FHIT: variants seen among roughly 807,000 people sequenced by gnomAD.
The protein encoded by FHIT is fragile histidine triad diadenosine triphosphatase.
A neutral mutation model predicts 17.9 loss-of-function variants in FHIT; 19 were observed. The observed-to-expected ratio is 1.06, with a 90% CI of 0.74 to 1.56. The LOEUF (loss-of-function observed/expected upper bound fraction) is 1.56, where lower values mean the gene tolerates loss of function less well. FHIT is among the 40% of genes most tolerant of loss of function. The probability of loss-of-function intolerance (pLI) is 0.00; values close to 1 mark genes in which losing one functional copy is unlikely to be tolerated. For missense variants in FHIT, 248 were observed against 189.2 expected, an observed-to-expected ratio of 1.31 and a Z score of -1.82; for synonymous variants, 81 against 69.7, an observed-to-expected ratio of 1.16 and a Z score of -0.81.
At chr3:59,848,541 C>A (rs1701809195) in intron 8 of FHIT, among the ~76,000 whole-genome samples, 1 of 152,066 alleles carries the variant, frequency 6.6e-6, no homozygotes, top group African/African-American at 2.4e-5. Flanking sequence ...TAATAGAGAT[C>A]TTAGAAATTA....
chr3:60,448,852 G>A (rs900154711), intron 5 of FHIT, among the ~76,000 whole-genome samples: 7 of 152,262 alleles, frequency 4.6e-5, no homozygotes, highest in African/African-American at 1.4e-4. Flanking sequence ...TAGTTGAAAT[G>A]TGTTTACTAA....
intron 4 of FHIT, among the ~76,000 whole-genome samples, chr3:60,729,108 C>G (rs113781155): frequency 6.6e-6 from 1 of 152,310 alleles, no homozygotes; most frequent in African/African-American, 2.4e-5. Flanking sequence ...ATGTTCAGTG[C>G]CCTGGTTAAA....
At chr3:60,927,714 C>T (rs1707713022) in intron 3 of FHIT, among the ~76,000 whole-genome samples, 1 of 152,004 alleles carries the variant, frequency 6.6e-6, no homozygotes, top group African/African-American at 2.4e-5. Context: ...CCGGCAGCCG[C>T]CCCGTCTGTG....
chr3:60,452,995 T>A (rs2031847460), intron 5 of FHIT, among the ~76,000 whole-genome samples: 1 of 152,194 alleles, frequency 6.6e-6, no homozygotes, highest in Non-Finnish European at 1.5e-5. Flanking sequence ...CAGCAAAGAA[T>A]GTAAGGATGT....
intron 3 of FHIT, among the ~76,000 whole-genome samples, chr3:60,890,221 T>TAAAAAAAAAAAAAAAAAAAAAA (rs59950717): frequency 1.4e-4 from 16 of 115,638 alleles, no homozygotes; most frequent in African/African-American, 3.8e-4. Flanking sequence ...TTCCATGATG[T>TAAAAAAAAAAAAAAAAAAAAAA]AAAAAAAAAA....
chr3:59,819,597 C>T (rs1700719997), intron 8 of FHIT, among the ~76,000 whole-genome samples: 1 of 152,194 alleles, frequency 6.6e-6, no homozygotes, highest in African/African-American at 2.4e-5. Flanking sequence ...AGCAGACAGG[C>T]TCGTGTTCTT....
intron 5 of FHIT, among the ~76,000 whole-genome samples, chr3:60,252,718 C>A (rs559466943): frequency 2.2e-4 from 33 of 151,822 alleles, no homozygotes; most frequent in Non-Finnish European, 3.4e-4. Context: ...GGGCTGGGCG[C>A]GGTGGCTCAT....
At chr3:60,086,421 T>C (rs1345082862) in intron 5 of FHIT, among the ~76,000 whole-genome samples, 1 of 152,170 alleles carries the variant, frequency 6.6e-6, no homozygotes. Flanking sequence ...AATTGTTTCA[T>C]CTCAATAGTC....
intron 4 of FHIT, among the ~76,000 whole-genome samples, chr3:60,744,284 CAG>C (rs2042311980): frequency 9.5e-5 from 7 of 73,630 alleles, no homozygotes; most frequent in Non-Finnish European, 1.5e-4. Flanking sequence ...AAAAAAAAAA[CAG>C]AAAGAAAAGA....
At chr3:60,988,627 T>C (rs2029881745) in intron 3 of FHIT, among the ~76,000 whole-genome samples, 1 of 152,116 alleles carries the variant, frequency 6.6e-6, no homozygotes, top group East Asian at 1.9e-4. Context: ...CTTCCAGCAT[T>C]TGATCGGCAT....
chr3:60,119,332 C>CA (rs1255747693), intron 5 of FHIT, among the ~76,000 whole-genome samples: 1 of 152,078 alleles, frequency 6.6e-6, no homozygotes, highest in African/African-American at 2.4e-5. Flanking sequence ...CTTGGCCTCC[C>CA]AAAGTGCTGG....
At chr3:60,377,724 A>G (rs1261339086) in intron 5 of FHIT, among the ~76,000 whole-genome samples, 2 of 133,352 alleles carry the variant, frequency 1.5e-5, no homozygotes, top group Non-Finnish European at 3.3e-5. Context: ...CTCGTGATCC[A>G]CCCGCCTCGG....
chr3:60,424,705 T>C (rs1702600084), intron 5 of FHIT, among the ~76,000 whole-genome samples: 1 of 152,162 alleles, frequency 6.6e-6, no homozygotes, highest in South Asian at 2.1e-4. Context: ...GGGATAAATA[T>C]CTTGATGCTT....
Position 60,831,471 on chromosome 3 carries a change from G to A in FHIT, c.-110-9460C>T, listed in dbSNP as rs138724001. 1.8e-3 allele frequency among the ~76,000 whole-genome samples: 279 copies of A among 152,258 alleles called. 3 individuals are homozygous for A. Among genetic ancestry groups the A allele is most frequent in the African/African-American group, 6.1e-3 (253 of 41,558 alleles). Reference sequence around the variant, plus strand: ...ATCTTCACTAACAGCCCTGACTTTAGAAATGTAGACTCTAAAAGGATGAAT... The same window carrying A: ...ATCTTCACTAACAGCCCTGACTTTAAAAATGTAGACTCTAAAAGGATGAAT... On this transcript the variant is annotated intron_variant, in intron 3 of 9. Transcript: ENST00000492590.
intron 2 of FHIT, among the ~76,000 whole-genome samples, chr3:61,076,188 C>T (rs1439006): frequency 0.66 from 100,654 of 152,050 alleles, 34,367 homozygotes; most frequent in Middle Eastern, 0.74. Context: ...CTACCAGCTA[C>T]GATGGAGGCA....
At chr3:60,121,382 A>C (rs1487570828) in intron 5 of FHIT, among the ~76,000 whole-genome samples, 2 of 152,144 alleles carry the variant, frequency 1.3e-5, no homozygotes, top group African/African-American at 4.8e-5. Flanking sequence ...AGTCAACTGC[A>C]GTTTGAAAAT....
chr3:60,049,817 C>T (rs1421913683), intron 5 of FHIT, among the ~76,000 whole-genome samples: 1 of 152,138 alleles, frequency 6.6e-6, no homozygotes, highest in Non-Finnish European at 1.5e-5. Flanking sequence ...CCTCTAACTA[C>T]TACAAGTATT....
At chr3:60,904,794 G>A (rs1706312914) in intron 3 of FHIT, among the ~76,000 whole-genome samples, 1 of 151,856 alleles carries the variant, frequency 6.6e-6, no homozygotes, top group Non-Finnish European at 1.5e-5. Context: ...ACAAAAATCA[G>A]CCAGGCACGG....
chr3:59,903,318 T>A (rs1575669508), intron 8 of FHIT, among the ~76,000 whole-genome samples: 1 of 152,100 alleles, frequency 6.6e-6, no homozygotes. Context: ...AGGCACAGGG[T>A]TTCTTTTGGG....
Sources: allele counts gnomAD v4.1 joint callset (sites outside exome capture counted in the v4.1 genomes callset), GRCh38; gene constraint gnomAD v4.1.1; transcripts MANE v1.5; gene names NCBI Gene and HGNC (gene_info 2026-07-23, HGNC 2026-07-21).